HNRNPC: variants seen among roughly 807,000 people sequenced by gnomAD.
HNRNPC encodes the protein heterogeneous nuclear ribonucleoprotein C.
In HNRNPC, 3 loss-of-function variants were observed where a neutral mutation model predicts 33.2. The observed-to-expected ratio is 0.09, with a 90% CI of 0.04 to 0.23. HNRNPC has a LOEUF of 0.23. HNRNPC is among the 10% of genes least tolerant of loss of function. The pLI is 1.00. For synonymous variants in HNRNPC, 121 were observed against 126.7 expected (o/e 0.96, Z 0.30); for missense variants, 143 against 366.7 (o/e 0.39, Z 4.98).
intron 3 of HNRNPC, among the ~76,000 whole-genome samples, chr14:21,232,774 G>A (rs534281221): frequency 1.1e-3 from 173 of 152,256 alleles, no homozygotes; most frequent in African/African-American, 3.9e-3. Flanking sequence ...AATGGCTGAC[G>A]CCTGTAATCC....
chr14:21,251,043 C>T (rs1460808665), intron 2 of HNRNPC, among the ~76,000 whole-genome samples: 4 of 151,936 alleles, frequency 2.6e-5, no homozygotes, highest in African/African-American at 4.8e-5. Flanking sequence ...GGGTAGATCA[C>T]GAGGTCAGGA....
intron 2 of HNRNPC, among the ~76,000 whole-genome samples, chr14:21,247,901 G>T (rs746170867): frequency 6.6e-6 from 1 of 151,376 alleles, no homozygotes; most frequent in Non-Finnish European, 1.5e-5. Flanking sequence ...GCATGAGAAA[G>T]AATCGCCAGA....
intron 2 of HNRNPC, among the ~76,000 whole-genome samples, chr14:21,246,952 C>T (rs1488232682): frequency 6.6e-6 from 1 of 152,176 alleles, no homozygotes; most frequent in South Asian, 2.1e-4. Context: ...TGTAAGAATA[C>T]AGTATATAAT....
At chr14:21,220,116 C>G (rs1435381462) in intron 5 of HNRNPC, among the ~76,000 whole-genome samples, 1 of 152,182 alleles carries the variant, frequency 6.6e-6, no homozygotes, top group African/African-American at 2.4e-5. Flanking sequence ...CCCTCCCATT[C>G]TCTTCACAAA....
intron 2 of HNRNPC, among the ~76,000 whole-genome samples, chr14:21,253,405 C>T (rs1239294077): frequency 3.1e-5 from 4 of 127,856 alleles, no homozygotes; most frequent in African/African-American, 8.9e-5. Context: ...ACCCAGGAGG[C>T]GGAGCTTGCA....
At chr14:21,254,294 G>A (rs1479602055) in intron 2 of HNRNPC, among the ~76,000 whole-genome samples, 3 of 152,008 alleles carry the variant, frequency 2.0e-5, no homozygotes, top group Admixed American at 1.3e-4. Context: ...TAGTATTATA[G>A]AGTATATAAT....
chr14:21,241,851 A>G (rs1895385141), intron 2 of HNRNPC, among the ~76,000 whole-genome samples: 1 of 152,236 alleles, frequency 6.6e-6, no homozygotes, highest in African/African-American at 2.4e-5. Context: ...GGATATTACT[A>G]AGACATTTTC....
At chr14:21,232,181 C>T (rs1894191686) in intron 3 of HNRNPC, among the ~76,000 whole-genome samples, 1 of 152,296 alleles carries the variant, frequency 6.6e-6, no homozygotes, top group Admixed American at 6.5e-5. Flanking sequence ...AATTTATCTT[C>T]TCCTTGTTCT....
chr14:21,257,971 C>T (rs1211875418), intron 2 of HNRNPC, among the ~76,000 whole-genome samples: 2 of 152,168 alleles, frequency 1.3e-5, no homozygotes, highest in Non-Finnish European at 2.9e-5. Flanking sequence ...TGCACATATA[C>T]ACATCTTTAA....
intron 2 of HNRNPC, chr14:21,236,583 G>C (rs1374714149): frequency 6.6e-6 from 1 of 152,192 alleles, no homozygotes. Context: ...ACTGTCCTGA[G>C]AGCTTCCTTA....
At chr14:21,212,212 C>G (rs1338118659) in intron 6 of HNRNPC, among the ~76,000 whole-genome samples, 1 of 152,266 alleles carries the variant, frequency 6.6e-6, no homozygotes, top group East Asian at 1.9e-4. Context: ...CTCCTGGCCT[C>G]ATGAAATCCT....
At chr14:21,215,927 A>G (rs945969042) in intron 5 of HNRNPC, among the ~76,000 whole-genome samples, 4 of 145,034 alleles carry the variant, frequency 2.8e-5, no homozygotes, top group African/African-American at 1.1e-4. Flanking sequence ...GGAAGAAAGA[A>G]AGAAAAGGAA....
intron 2 of HNRNPC, among the ~76,000 whole-genome samples, chr14:21,256,998 A>C (rs1424728629): frequency 6.6e-6 from 1 of 152,168 alleles, no homozygotes; most frequent in African/African-American, 2.4e-5. Context: ...GTAAAAGTCA[A>C]GGATGGCTAG....
chr14:21,235,566 T>C (rs1364470394), intron 2 of HNRNPC, among the ~76,000 whole-genome samples: 1 of 152,206 alleles, frequency 6.6e-6, no homozygotes, highest in Non-Finnish European at 1.5e-5. Context: ...CTAAAGTATA[T>C]CTTTACAAAA....
intron 2 of HNRNPC, among the ~76,000 whole-genome samples, chr14:21,243,161 G>C (rs771310996): frequency 1.4e-4 from 21 of 152,168 alleles, no homozygotes; most frequent in Non-Finnish European, 1.5e-5. Flanking sequence ...CTGGGCAAAA[G>C]AGACATTTTT....
intron 2 of HNRNPC, among the ~76,000 whole-genome samples, chr14:21,260,104 G>C: frequency 6.9e-6 from 1 of 145,528 alleles, no homozygotes; most frequent in African/African-American, 2.6e-5. Context: ...GGAGGCTGAG[G>C]CAGGAGAATG....
intron 2 of HNRNPC, among the ~76,000 whole-genome samples, chr14:21,242,107 A>G (rs184662183): frequency 3.7e-4 from 56 of 152,314 alleles, no homozygotes; most frequent in Non-Finnish European, 7.5e-4. Context: ...GAAATAAAAC[A>G]ACTCTCAAAA....
At chr14:21,245,729 T>C (rs1895910830) in intron 2 of HNRNPC, among the ~76,000 whole-genome samples, 1 of 152,184 alleles carries the variant, frequency 6.6e-6, no homozygotes, top group Admixed American at 6.5e-5. Flanking sequence ...TTATTTAGTT[T>C]ACTAACATTT....
Position 21,209,957 on chromosome 14 carries a change from G to A in HNRNPC, c.*1266C>T, listed in dbSNP as rs541174838. ...AGGAAAACACAAAGATTAGCTAACA[G>A]GGGTAAAAGATCATTTAGAGTAAAA... is the stretch of plus-strand genomic sequence containing the variant. On this transcript the variant is annotated 3_prime_UTR_variant, in exon 9 of 9. Transcript: ENST00000553300. The A allele has an allele frequency of 2.6e-5, 4 of 151,554 alleles. No individual in the cohort carries two copies. The highest frequency in any genetic ancestry group is 4.4e-5 in the Non-Finnish European group (3 of 67,644). 9.4% of individuals were successfully genotyped at this position (151,554 alleles called of 1,614,324 possible).
Sources: allele counts gnomAD v4.1 joint callset (sites outside exome capture counted in the v4.1 genomes callset), GRCh38; gene constraint gnomAD v4.1.1; transcripts MANE v1.5; gene names NCBI Gene and HGNC (gene_info 2026-07-23, HGNC 2026-07-21).